The following DOCK3 variants were observed in gnomAD, a reference collection of about 807,000 sequenced individuals.
DOCK3 encodes dedicator of cytokinesis protein 3.
DOCK3 carries 60 observed loss-of-function variants against 265.6 expected under a neutral mutation model. The ratio of observed to expected loss-of-function variants is 0.23; its 90% CI spans 0.18 to 0.28. DOCK3 has a LOEUF of 0.28. Ranked by LOEUF, DOCK3 falls within the 10% of genes least tolerant of loss-of-function variation. The probability of loss-of-function intolerance (pLI) is 1.00; values close to 1 mark genes in which losing one functional copy is unlikely to be tolerated. For missense variants in DOCK3, 1,981 were observed against 2,594.3 expected (o/e 0.76, Z 5.14); for synonymous variants, 881 against 938.0 (o/e 0.94, Z 1.11).
chr3:51,362,121 A>AC (rs2086783329), intron 48 of DOCK3, 124 bp downstream of exon 48: 1 of 1,244,884 alleles, frequency 8.0e-7, no homozygotes, highest in Non-Finnish European at 1.1e-6. Flanking sequence ...AATTCAGAAC[A>AC]CCCCTCACCA....
chr3:50,847,691 C>A (rs183221225), intron 3 of DOCK3, among the ~76,000 whole-genome samples: 2 of 152,038 alleles, frequency 1.3e-5, no homozygotes. Flanking sequence ...CAAGACTAGC[C>A]TGGACAACAT....
chr3:51,255,252 G>A (rs1048802949), intron 22 of DOCK3, among the ~76,000 whole-genome samples: 1 of 152,186 alleles, frequency 6.6e-6, no homozygotes, highest in Non-Finnish European at 1.5e-5. Context: ...AGTCTGATGG[G>A]CTTCCCTTTG....
intron 5 of DOCK3, among the ~76,000 whole-genome samples, chr3:51,054,214 T>G (rs2081115800): frequency 6.6e-6 from 1 of 152,016 alleles, no homozygotes; most frequent in African/African-American, 2.4e-5. Flanking sequence ...TACCCTTACC[T>G]TTGATTGATA....
chr3:51,050,174 A>G (rs2080939318), intron 5 of DOCK3, among the ~76,000 whole-genome samples: 1 of 152,118 alleles, frequency 6.6e-6, no homozygotes, highest in Non-Finnish European at 1.5e-5. Flanking sequence ...GCTTGAGGCC[A>G]GGAGTTTGAG....
chr3:50,698,161 C>G (rs999730621), intron 1 of DOCK3, among the ~76,000 whole-genome samples: 5 of 151,992 alleles, frequency 3.3e-5, no homozygotes, highest in African/African-American at 1.2e-4. Context: ...AATCCTATAC[C>G]CATTAGCAGT....
At chr3:50,984,630 T>G (rs1384156078) in intron 5 of DOCK3, among the ~76,000 whole-genome samples, 1 of 152,190 alleles carries the variant, frequency 6.6e-6, no homozygotes, top group Non-Finnish European at 1.5e-5. Flanking sequence ...TATGTTACTT[T>G]ATTCATTTCT....
chr3:50,970,915 AT>A (rs2077194072), intron 5 of DOCK3, among the ~76,000 whole-genome samples: 12 of 62,364 alleles, frequency 1.9e-4, no homozygotes, highest in African/African-American at 6.8e-4. Flanking sequence ...ATATATATAT[AT>A]ATATATATAT....
intron 49 of DOCK3, among the ~76,000 whole-genome samples, chr3:51,366,342 A>C (rs2087166350): frequency 6.6e-6 from 1 of 151,904 alleles, no homozygotes; most frequent in Non-Finnish European, 1.5e-5. Context: ...TATCCCCTTT[A>C]TCATTTTTTA....
At chr3:51,307,473 G>C (rs1298856939) in intron 27 of DOCK3, among the ~76,000 whole-genome samples, 3 of 152,120 alleles carry the variant, frequency 2.0e-5, no homozygotes, top group Admixed American at 2.0e-4. Context: ...TCTCCATGCA[G>C]TTAGTTAATG....
chr3:50,935,794 A>T (rs915948821), intron 5 of DOCK3, among the ~76,000 whole-genome samples: 5 of 152,194 alleles, frequency 3.3e-5, no homozygotes, highest in African/African-American at 1.2e-4. Flanking sequence ...TTGTAACTGG[A>T]TTGATGTTCA....
intron 4 of DOCK3, among the ~76,000 whole-genome samples, chr3:50,925,349 A>G (rs1056041607): frequency 1.1e-4 from 16 of 152,202 alleles, no homozygotes; most frequent in Non-Finnish European, 2.2e-4. Context: ...TCCATCTGTC[A>G]AAGTCAAATA....
At chr3:50,918,054 C>T (rs1316574078) in intron 4 of DOCK3, among the ~76,000 whole-genome samples, 1 of 152,054 alleles carries the variant, frequency 6.6e-6, no homozygotes, top group Non-Finnish European at 1.5e-5. Context: ...ATGATGGTTT[C>T]CAGCTTCATC....
intron 19 of DOCK3, among the ~76,000 whole-genome samples, chr3:51,230,565 G>A (rs1407593547): frequency 1.3e-5 from 2 of 152,088 alleles, no homozygotes; most frequent in Non-Finnish European, 2.9e-5. Flanking sequence ...TCGCCAGGCT[G>A]GAGTGCAGTG....
rs541645653 is a variant in DOCK3 at position 51,290,523 on chromosome 3, C to T, written c.2922+10319C>T. On this transcript the variant is annotated intron_variant, in intron 27 of 52. Transcript: ENST00000266037. ...ACACAGGAAGGGGAGCATCACACAC[C>T]GGGGCCTGTTGTGGGGTTGGGGGAG... Among the ~76,000 whole-genome samples, 497 of 151,498 alleles carry T rather than the reference C, an allele frequency of 3.3e-3. 2 individuals carry two copies. Among genetic ancestry groups the T allele is most frequent in the African/African-American group, 0.01 (416 of 41,252 alleles).
At chr3:50,787,416 T>G (rs2042238479) in intron 2 of DOCK3, 1 of 413,776 alleles carries the variant, frequency 2.4e-6, no homozygotes, top group Admixed American at 3.7e-5. Context: ...ATGCCTGTAA[T>G]CCCAGCTACT....
At chr3:51,165,398 C>T (rs1274207934) in intron 12 of DOCK3, among the ~76,000 whole-genome samples, 2 of 152,202 alleles carry the variant, frequency 1.3e-5, no homozygotes, top group East Asian at 1.9e-4. Context: ...ATGATTACCA[C>T]ATTCAAGCTA....
intron 27 of DOCK3, among the ~76,000 whole-genome samples, chr3:51,296,353 A>G (rs888812941): frequency 7.2e-5 from 11 of 152,246 alleles, no homozygotes; most frequent in Admixed American, 2.0e-4. Context: ...CAAAATTGAA[A>G]GATTCACAGT....
chr3:51,041,313 G>A (rs1195394603), intron 5 of DOCK3, among the ~76,000 whole-genome samples: 1 of 143,206 alleles, frequency 7.0e-6, no homozygotes, highest in African/African-American at 2.6e-5. Context: ...TGCCTCCTGG[G>A]TTCACGCCAT....
intron 5 of DOCK3, among the ~76,000 whole-genome samples, chr3:51,022,225 A>T (rs1221453705): frequency 6.6e-6 from 1 of 152,152 alleles, no homozygotes; most frequent in Non-Finnish European, 1.5e-5. Flanking sequence ...TGTTAAATTC[A>T]TTTATTAAAT....
Sources: gnomAD v4.1 joint callset for allele counts (sites outside exome capture counted in the v4.1 genomes callset) on GRCh38, gnomAD v4.1.1 for gene constraint, MANE v1.5 for transcripts, NCBI Gene and HGNC (gene_info 2026-07-23, HGNC 2026-07-21) for gene names.